Variants in NOD1 observed in about 807,000 individuals in gnomAD.
NOD1 encodes the protein nucleotide-binding oligomerization domain-containing protein 1.
NOD1 carries 70 observed loss-of-function variants against 81.2 expected under a neutral mutation model. That is an observed-to-expected ratio of 0.86 (90% CI 0.71 to 1.05). The LOEUF (loss-of-function observed/expected upper bound fraction) is 1.05. Ranked by LOEUF, NOD1 falls within the 50% of genes least tolerant of loss-of-function variation. The pLI is 0.00. For missense variants in NOD1, 1,233 were observed against 1,228.0 expected (o/e 1.00, Z -0.06); for synonymous variants, 508 against 526.9 (o/e 0.96, Z 0.49).
chr7:30,445,680 AC>A (rs1271235834), intron 9 of NOD1, among the ~76,000 whole-genome samples: 2 of 147,056 alleles, frequency 1.4e-5, no homozygotes, highest in Non-Finnish European at 3.0e-5. Flanking sequence ...AATCGCTTGA[AC>A]CCAGAAGGCA....
chr7:30,428,077 T>C (rs1487434721), intron 13 of NOD1, among the ~76,000 whole-genome samples: 1 of 152,174 alleles, frequency 6.6e-6, no homozygotes, highest in Non-Finnish European at 1.5e-5. Context: ...TGTTTTTCTT[T>C]TTTTCTTTTT....
At chr7:30,465,536 C>T (rs781331978) in intron 1 of NOD1, among the ~76,000 whole-genome samples, 1 of 152,186 alleles carries the variant, frequency 6.6e-6, no homozygotes, top group Non-Finnish European at 1.5e-5. Context: ...TAGACTCCAT[C>T]CCAACTGATG....
chr7:30,435,210 G>A (rs1784280440), intron 11 of NOD1, among the ~76,000 whole-genome samples: 1 of 152,240 alleles, frequency 6.6e-6, no homozygotes, highest in African/African-American at 2.4e-5. Flanking sequence ...AGAGTGCAGA[G>A]AGGGAGCGAG....
intron 1 of NOD1, chr7:30,468,820 T>G (rs1371948821): frequency 1.0e-6 from 1 of 985,140 alleles, no homozygotes; most frequent in Non-Finnish European, 1.2e-6. Context: ...GTGAATTTAA[T>G]CCACAGGCTC....
intron 6 of NOD1, among the ~76,000 whole-genome samples, chr7:30,448,670 C>T (rs1242490121): frequency 6.6e-6 from 1 of 152,210 alleles, no homozygotes. Context: ...CCACCTCTGA[C>T]ATCCACCCTT....
In NOD1 at chr7:30,425,465, G is replaced by A. The variant is rs780127644; in HGVS notation, c.*173C>T. On this transcript the variant is annotated 3_prime_UTR_variant, in exon 14 of 14. Coordinates refer to ENST00000222823, the MANE Select transcript of NOD1 (RefSeq NM_006092.4). ...CAGAATTGTAGCGGGTACTTAGGGA[G>A]TTTGCCGACCAGACCTTCTGCACAG... 45 of 623,802 alleles carry A rather than the reference G, an allele frequency of 7.2e-5. No homozygotes were observed. The highest frequency in any genetic ancestry group is 1.2e-4 in the Non-Finnish European group (43 of 345,674). 38.6% of individuals were successfully genotyped at this position (623,802 alleles called of 1,614,324 possible).
In NOD1 at chr7:30,452,082, G is replaced by A. The variant is rs5743343; in HGVS notation, c.1335C>T (p.Asn445=). ...RMQPSSLVQR[N]TRSPVETLHA... ...GGAGGGTCTCCACTGGGCTGCGTGT[G>A]TTCCGCTGCACCAGGCTGCTGGGCT... The change falls in exon 6 of 14, where the codon AAC becomes AAT. Residue 445 remains asparagine (N), a synonymous_variant. Transcript: ENST00000222823. 297 of 1,613,780 alleles carry A rather than the reference G, an allele frequency of 1.8e-4. No individual in the cohort carries two copies. In the African/African-American group the frequency reaches 3.5e-3, roughly 19 times the overall value.
chr7:30,470,621 T>C (rs1788180297), intron 1 of NOD1, among the ~76,000 whole-genome samples: 1 of 152,222 alleles, frequency 6.6e-6, no homozygotes, highest in South Asian at 2.1e-4. Context: ...TTCGCTGCTG[T>C]CTTTAAAAGG....
intron 9 of NOD1, among the ~76,000 whole-genome samples, chr7:30,438,038 C>T (rs1421897971): frequency 2.6e-5 from 4 of 152,222 alleles, no homozygotes; most frequent in African/African-American, 9.6e-5. Flanking sequence ...GAGGGAAGGC[C>T]GTGTGCAGGT....
At chr7:30,437,202 C>T (rs941884712) in intron 10 of NOD1, among the ~76,000 whole-genome samples, 4 of 150,874 alleles carry the variant, frequency 2.7e-5, no homozygotes, top group Admixed American at 2.0e-4. Context: ...TGGAGGGGAA[C>T]AACACACACC....
chr7:30,429,543 G>A (rs1783765695), intron 12 of NOD1, 86 bp from the exon 13 acceptor site: 2 of 1,176,540 alleles, frequency 1.7e-6, no homozygotes, highest in African/African-American at 3.0e-5. Context: ...GGTGTTTTGG[G>A]ATAAGAGACA....
intron 1 of NOD1, among the ~76,000 whole-genome samples, chr7:30,471,105 G>GT (rs1788232525): frequency 6.7e-6 from 1 of 148,684 alleles, no homozygotes; most frequent in African/African-American, 2.6e-5. Context: ...AGCTGAAGAC[G>GT]TTTATTAACC....
intron 12 of NOD1, 41 bp from the exon 13 acceptor site, chr7:30,429,498 G>A: frequency 6.4e-7 from 1 of 1,569,356 alleles, no homozygotes. Flanking sequence ...CATAATACTG[G>A]ATCAAATTTG....
At chr7:30,448,579 C>T (rs1785361319) in intron 6 of NOD1, among the ~76,000 whole-genome samples, 198 bp from the exon 7 acceptor site, 1 of 152,212 alleles carries the variant, frequency 6.6e-6, no homozygotes, top group East Asian at 1.9e-4. Flanking sequence ...CCATCCTGCA[C>T]CAGCCCATGA....
At position 30,445,261 on chromosome 7, in the gene NOD1, T is replaced by G. The variant is rs890947525; in HGVS notation, c.2453+880A>C. Among the ~76,000 whole-genome samples the G allele has an allele frequency of 4.6e-4, 9 of 19,532 alleles. 1 individual carries two copies. Among genetic ancestry groups the G allele is most frequent in the Non-Finnish European group, 8.6e-4 (9 of 10,420 alleles). The allele number at this position is 19,532 out of a possible 152,430, so 12.8% of individuals were successfully genotyped here. A position where few individuals can be genotyped will look rare whatever the true frequency, so the allele number is the denominator to read the frequency against. ...ATGTACCCTAAAACTTAGAGTATAA[T>G]AAAAAAAAAAAGAATCTAAAAAAAA... On this transcript the variant is annotated intron_variant, in intron 9 of 13. Transcript: ENST00000222823.
intron 5 of NOD1, 59 bp downstream of exon 5, chr7:30,455,078 A>G: frequency 6.4e-7 from 1 of 1,556,866 alleles, no homozygotes; most frequent in Admixed American, 1.7e-5. Context: ...AGCCATTACC[A>G]AACCCCCCAG....
Position 30,451,310 on chromosome 7 carries a change from G to A in NOD1, c.2107C>T (p.Pro703Ser). 1 of 1,614,212 alleles carries A rather than the reference G, an allele frequency of 6.2e-7. No homozygotes were observed. Among genetic ancestry groups the A allele is most frequent in the Non-Finnish European group, 8.5e-7 (1 of 1,180,048 alleles). ...TCTAGGTCTAGGGCCAGCCGCTTGG[G>A]GAAGTGATGCAGGACGAAGGAGAGG... ...SALSFVLHHF[P>S]KRLALDLDNN... The change falls in exon 6 of 14, where the codon CCC becomes TCC. Residue 703 changes from proline to serine, a missense_variant. By Grantham distance (74) the Pro-to-Ser change is moderately conservative. Coordinates refer to ENST00000222823, the MANE Select transcript of NOD1 (RefSeq NM_006092.4). The surrounding 1 kb of genome is among the most constrained non-coding windows in gnomAD (Gnocchi z 4.2).
Position 30,451,952 on chromosome 7 carries a change from G to A in NOD1, c.1465C>T (p.Gln489Ter). 1.2e-6 allele frequency: 2 copies of A among 1,613,488 alleles called. No homozygotes were observed. The highest frequency in any genetic ancestry group is 1.7e-6 in the Non-Finnish European group (2 of 1,179,982). ...TQEEVQASGLQERDMQLGFLR... is the reference protein window; with the variant it reads ...TQEEVQASGL ...AAGCCCAGCTGCATGTCTCTCTCCT[G>A]CAGCCCGGAGGCCTGCACCTCCTCC... The change falls in exon 6 of 14, where the codon CAG becomes TAG. Residue 489 changes from glutamine to a stop codon, truncating the protein, a stop_gained. Coordinates refer to ENST00000222823, the MANE Select transcript of NOD1 (RefSeq NM_006092.4). LOFTEE classifies it high-confidence loss of function. This position sits in a 1 kb window ranked among gnomAD's most constrained non-coding sequence, Gnocchi z 4.2.
Position 30,451,172 on chromosome 7 carries a change from G to C in NOD1, c.2201+44C>G. The C allele has an allele frequency of 6.3e-7, 1 of 1,586,522 alleles. No individual in the cohort carries two copies. Among genetic ancestry groups the C allele is most frequent in the Non-Finnish European group, 8.6e-7 (1 of 1,166,090 alleles). On this transcript the variant is annotated intron_variant, in intron 6 of 13. Coordinates refer to ENST00000222823, the MANE Select transcript of NOD1 (RefSeq NM_006092.4). The surrounding 1 kb of genome is among the most constrained non-coding windows in gnomAD (Gnocchi z 4.2). The stretch of plus-strand genomic sequence containing the variant: ...CCATTCCCGATGCCCTCCGAGCCTG[G>C]CCCGCCCGGCCCACCTGTTGCTCCC...
Sources: allele counts gnomAD v4.1 joint callset (sites outside exome capture counted in the v4.1 genomes callset), GRCh38; gene constraint gnomAD v4.1.1; non-coding constraint Gnocchi (gnomAD v3.1); transcripts MANE v1.5; gene names NCBI Gene and HGNC (gene_info 2026-07-23, HGNC 2026-07-21).